Variants in TRPA1 observed in about 807,000 individuals in gnomAD.
TRPA1 encodes the protein transient receptor potential cation channel subfamily A member 1, also known as ankyrin-like with transmembrane domains 1.
TRPA1 carries 129 observed loss-of-function variants against 131.3 expected under a neutral mutation model. The ratio of observed to expected loss-of-function variants is 0.98; its 90% CI spans 0.85 to 1.14. The LOEUF (loss-of-function observed/expected upper bound fraction) is 1.14, where lower values mean the gene tolerates loss of function less well. Among genes scored for constraint, TRPA1 ranks in the 50% most tolerant of loss-of-function variants. The pLI is 0.00. For missense variants in TRPA1, 1,304 were observed against 1,354.2 expected, an observed-to-expected ratio of 0.96 and a Z score of 0.58; for synonymous variants, 441 against 451.7, an observed-to-expected ratio of 0.98 and a Z score of 0.30.
chr8:72,057,094 A>C (rs1193141685), intron 9 of TRPA1, 77 bp from the exon 10 acceptor site: 2 of 1,116,326 alleles, frequency 1.8e-6, no homozygotes, highest in Non-Finnish European at 2.5e-6. Context: ...TCAACTTAGC[A>C]AAAAAAAATT....
At chr8:72,025,369 C>A (rs138055111) in intron 25 of TRPA1, among the ~76,000 whole-genome samples, 1 of 152,176 alleles carries the variant, frequency 6.6e-6, no homozygotes, top group East Asian at 1.9e-4. Context: ...AAGAAGGTGC[C>A]TTGCTTCCCC....
upstream of TRPA1, among the ~76,000 whole-genome samples, chr8:72,076,246 T>C (rs185409614): frequency 2.0e-5 from 3 of 152,308 alleles, no homozygotes; most frequent in Admixed American, 2.0e-4. Flanking sequence ...AGGTTAAACG[T>C]AAGCCACTGC....
In TRPA1 at chr8:72,055,756, G is replaced by C. The variant is rs769920679; in HGVS notation, c.1294C>G (p.Leu432Val). 3 of 1,612,976 alleles carry C rather than the reference G, an allele frequency of 1.9e-6. No individual in the cohort carries two copies. The Admixed American group carries it at 5.0e-5, about 27-fold the overall frequency. ...TGAATGGACACATTAAAGCCAAGTA[G>C]GTTATTTACAGAACCAGGGCCCCCC... The part of the protein sequence containing the change: ...RQGGPGSVNN[L>V]LGFNVSIHSK... Residue 432 changes from leucine to valine, a missense_variant, in exon 11 of 27, where the codon CTA becomes GTA. Leu to Val is a conservative substitution (Grantham distance 32, BLOSUM62 1). Transcript: ENST00000262209.
chr8:72,078,669 T>C (rs1806233054), upstream of TRPA1, among the ~76,000 whole-genome samples: 2 of 152,264 alleles, frequency 1.3e-5, no homozygotes, highest in Admixed American at 6.5e-5. Context: ...TGGTAGACAT[T>C]TGAATTATTT....
intron 13 of TRPA1, chr8:72,053,135 T>C: frequency 7.3e-6 from 2 of 273,684 alleles, no homozygotes; most frequent in Non-Finnish European, 1.4e-5. Context: ...AGATGTTGGG[T>C]TGAACACAGA....
chr8:72,040,011 T>A (rs541612666), intron 17 of TRPA1, among the ~76,000 whole-genome samples: 1 of 152,150 alleles, frequency 6.6e-6, no homozygotes, highest in Non-Finnish European at 1.5e-5. Context: ...TGATTCAGTC[T>A]GTTTCTTTAG....
intron 15 of TRPA1, among the ~76,000 whole-genome samples, chr8:72,049,925 C>A (rs1331994880): frequency 7.2e-6 from 1 of 139,818 alleles, no homozygotes; most frequent in Admixed American, 7.8e-5. Flanking sequence ...AGAGGTGGGG[C>A]ATTTTATTTT....
chr8:72,063,047 C>T, intron 5 of TRPA1, 103 bp from the exon 6 acceptor site: 1 of 1,100,910 alleles, frequency 9.1e-7, no homozygotes, highest in Non-Finnish European at 1.3e-6. Flanking sequence ...AATGAAAGGG[C>T]ACCGAGACAC....
At chr8:72,076,605 T>C (rs1265602695), upstream of TRPA1, 1 of 152,302 alleles carries the variant, frequency 6.6e-6, no homozygotes, top group Non-Finnish European at 1.5e-5. Context: ...ATCCAGGAAC[T>C]GGCATAGGTG....
Position 72,022,797 on chromosome 8 carries a change from C to T in TRPA1, c.*109G>A. On this transcript the variant is annotated 3_prime_UTR_variant, in exon 27 of 27. Transcript: ENST00000262209. ...ACAGCATGCAGGAACCATGATTTCACACGCAGCAAAATGAATCATTCTGCT... is the reference window on the plus strand; with the variant it reads ...ACAGCATGCAGGAACCATGATTTCATACGCAGCAAAATGAATCATTCTGCT... 2.9e-6 allele frequency: 3 copies of T among 1,017,956 alleles called. No individual in the cohort carries two copies. Among genetic ancestry groups the T allele is most frequent in the Non-Finnish European group, 4.5e-6 (3 of 662,106 alleles). 63.1% of individuals were successfully genotyped at this position (1,017,956 alleles called of 1,614,324 possible).
At position 72,050,856 on chromosome 8, in the gene TRPA1, A is replaced by C. The variant is rs1805485771; in HGVS notation, c.1827T>G (p.Leu609=). ...CTGGAGAATTATGACTGAAAATCTT[A>C]AGACATTCATCCCATCTGTAAAAAA... is the stretch of plus-strand genomic sequence containing the variant. ...IIRSKRWDEC[L]KIFSHNSPGN... is the part of the protein sequence containing the mutation. Residue 609 remains leucine, a synonymous_variant, in exon 15 of 27, where the codon CTT becomes CTG. Coordinates refer to ENST00000262209, the MANE Select transcript of TRPA1 (RefSeq NM_007332.3). 1 of 1,608,156 alleles carries C rather than the reference A, an allele frequency of 6.2e-7. No homozygotes were observed. The highest frequency in any genetic ancestry group is 1.7e-5 in the Admixed American group (1 of 59,892).
In TRPA1 at chr8:72,033,746, G is replaced by A; in HGVS notation, c.2766C>T (p.Phe922=). ...ATTCATTTCTCAGATATGGTTCTAG[G>A]AAGGACTCTCGATAATTGATATCTC... ...MLGDINYRES[F]LEPYLRNELA... is the part of the protein sequence containing the mutation. The change falls in exon 23 of 27, where the codon TTC becomes TTT. Residue 922 remains phenylalanine (F), a synonymous_variant. Coordinates refer to ENST00000262209, the MANE Select transcript of TRPA1 (RefSeq NM_007332.3). The A allele has an allele frequency of 6.2e-7, 1 of 1,614,040 alleles. No homozygotes were observed. The highest frequency in any genetic ancestry group is 8.5e-7 in the Non-Finnish European group (1 of 1,179,944).
intron 22 of TRPA1, among the ~76,000 whole-genome samples, 162 bp downstream of exon 22, chr8:72,034,086 T>G (rs1811940864): frequency 6.6e-6 from 1 of 152,234 alleles, no homozygotes; most frequent in South Asian, 2.1e-4. Context: ...TATACTTTTT[T>G]CTGCAATAAA....
intron 24 of TRPA1, among the ~76,000 whole-genome samples, chr8:72,028,328 C>T (rs1393130635): frequency 2.0e-5 from 3 of 152,226 alleles, no homozygotes; most frequent in Non-Finnish European, 4.4e-5. Flanking sequence ...CTATCATCTG[C>T]AGCAATCTAA....
chr8:72,031,513 G>A (rs958687013), intron 23 of TRPA1, among the ~76,000 whole-genome samples: 5 of 151,772 alleles, frequency 3.3e-5, no homozygotes, highest in Non-Finnish European at 5.9e-5. Flanking sequence ...GGGAAGTGGA[G>A]GCTGCAGTGA....
At chr8:72,050,304 G>C (rs1375115686) in intron 15 of TRPA1, among the ~76,000 whole-genome samples, 1 of 152,150 alleles carries the variant, frequency 6.6e-6, no homozygotes, top group Non-Finnish European at 1.5e-5. Context: ...CTGGTGCTGA[G>C]CCCAGCAATT....
At chr8:72,033,395 G>A (rs1339391255) in intron 23 of TRPA1, among the ~76,000 whole-genome samples, 2 of 152,122 alleles carry the variant, frequency 1.3e-5, no homozygotes, top group Non-Finnish European at 2.9e-5. Flanking sequence ...CTGGTTCCTA[G>A]AACTTGTAAC....
chr8:72,030,938 A>G (rs1359279466), intron 23 of TRPA1, among the ~76,000 whole-genome samples: 2 of 152,228 alleles, frequency 1.3e-5, no homozygotes, highest in Non-Finnish European at 2.9e-5. Flanking sequence ...TCTGGTACTT[A>G]GTTCCTGCCT....
rs1812052740 is a variant in TRPA1, at chr8:72,036,397, T to C, written c.2446A>G (p.Ile816Val). ...VLEWIIYTTGIIFVLPLFVEI... is the reference protein window; with the variant it reads ...VLEWIIYTTGVIFVLPLFVEI... Reference sequence around the variant, plus strand: ...ACAAACAAGGGCAGCACAAAAATGATGCCCGTCGTGTAGATAATCCATTCA... The same window carrying C: ...ACAAACAAGGGCAGCACAAAAATGACGCCCGTCGTGTAGATAATCCATTCA... The change falls in exon 21 of 27, where the codon ATC becomes GTC. Residue 816 changes from isoleucine (I) to valine (V), a missense_variant. Physicochemically the swap from Ile to Val is conservative, Grantham distance 29. Coordinates refer to ENST00000262209, the MANE Select transcript of TRPA1 (RefSeq NM_007332.3). 1 of 1,614,188 alleles carries C rather than the reference T, an allele frequency of 6.2e-7. No individual in the cohort carries two copies. Among genetic ancestry groups the C allele is most frequent in the Non-Finnish European group, 8.5e-7 (1 of 1,180,004 alleles).
Sources: gnomAD v4.1 joint callset for allele counts (sites outside exome capture counted in the v4.1 genomes callset) on GRCh38, gnomAD v4.1.1 for gene constraint, MANE v1.5 for transcripts, NCBI Gene and HGNC (gene_info 2026-07-23, HGNC 2026-07-21) for gene names.